BST1: variants seen among roughly 807,000 people sequenced by gnomAD.
The protein encoded by BST1 is ADP-ribosyl cyclase/cyclic ADP-ribose hydrolase 2.
In BST1, 49 loss-of-function variants were observed where a neutral mutation model predicts 40.6. That is an observed-to-expected ratio of 1.21 (90% CI 0.96 to 1.53). The LOEUF is 1.53. Among genes scored for constraint, BST1 ranks in the 40% most tolerant of loss-of-function variants. The pLI, the probability that BST1 is intolerant of heterozygous loss-of-function variation, is 0.00. For synonymous variants in BST1, 157 were observed against 159.3 expected, an observed-to-expected ratio of 0.99 and a Z score of 0.11; for missense variants, 423 against 395.9, an observed-to-expected ratio of 1.07 and a Z score of -0.58.
At chr4:15,720,260 T>C (rs1028859349) in intron 7 of BST1, among the ~76,000 whole-genome samples, 4 of 152,140 alleles carry the variant, frequency 2.6e-5, no homozygotes, top group African/African-American at 9.7e-5. Flanking sequence ...TAACGCACGC[T>C]CTTTCCCTCC....
the BST1 span, among the ~76,000 whole-genome samples, chr4:15,760,036 C>T: frequency 6.6e-6 from 1 of 151,994 alleles, no homozygotes; most frequent in African/African-American, 2.4e-5. Context: ...AAGTTTAGAA[C>T]ATTCCTCTCA....
chr4:15,740,929 A>G (rs1417932882), downstream of BST1, among the ~76,000 whole-genome samples: 1 of 151,846 alleles, frequency 6.6e-6, no homozygotes, highest in Non-Finnish European at 1.5e-5. Flanking sequence ...GCAACTACTC[A>G]ACTCCGTGGT....
Position 15,715,751 on chromosome 4 carries a change from T to G in BST1, c.656T>G (p.Ile219Ser). The change falls in exon 6 of 9, where the codon ATT becomes AGT. Residue 219 changes from isoleucine to serine, a missense_variant. Physicochemically the swap from Ile to Ser is moderately radical, Grantham distance 142. Coordinates refer to ENST00000265016, the MANE Select transcript of BST1 (RefSeq NM_004334.3). ...ATTCCAAACCTCCAGAAGGAAAAAA[T>G]TACACGAATCGAGATCTGGGTTATG... The part of the protein sequence containing the change: ...YEIPNLQKEK[I>S]TRIEIWVMHE... 1 of 1,601,548 alleles carries G rather than the reference T, an allele frequency of 6.2e-7. No individual in the cohort carries two copies. The highest frequency in any genetic ancestry group is 8.5e-7 in the Non-Finnish European group (1 of 1,176,320).
intron 8 of BST1, among the ~76,000 whole-genome samples, chr4:15,725,944 G>A (rs6845595): frequency 0.13 from 16,956 of 134,752 alleles, 2,170 homozygotes; most frequent in East Asian, 0.53. Flanking sequence ...TGTGAAGTGC[G>A]GTCTTTTTTT....
chr4:15,737,825 CAG>C, exon 7 of BST1: 1 of 1,285,906 alleles, frequency 7.8e-7, no homozygotes, highest in Non-Finnish European at 1.0e-6. Context: ...TACTGACTGT[CAG>C]AGAGTCCAAA....
intron 4 of BST1, among the ~76,000 whole-genome samples, chr4:15,712,861 A>G (rs1330163377): frequency 1.3e-5 from 2 of 152,210 alleles, no homozygotes; most frequent in Non-Finnish European, 2.9e-5. Context: ...AGTGGCTGCC[A>G]GGGCCCCTCA....
intron 1 of BST1, 99 bp from the exon 2 acceptor site, chr4:15,705,416 A>T: frequency 7.4e-7 from 1 of 1,357,686 alleles, no homozygotes; most frequent in Non-Finnish European, 1.0e-6. Flanking sequence ...CAGTTACTAT[A>T]TGAAAAATCT....
the BST1 span, among the ~76,000 whole-genome samples, chr4:15,765,512 C>T: frequency 1.3e-5 from 2 of 151,974 alleles, no homozygotes; most frequent in Non-Finnish European, 1.5e-5. Context: ...ACATGTCACT[C>T]TTGTGCACCA....
chr4:15,725,993 T>C (rs1207424836), intron 8 of BST1, among the ~76,000 whole-genome samples: 1 of 122,970 alleles, frequency 8.1e-6, no homozygotes, highest in East Asian at 3.2e-4. Flanking sequence ...CTCTCTCCTC[T>C]CTCTGTCACC....
chr4:15,761,026 A>T, the BST1 span, among the ~76,000 whole-genome samples: 2 of 151,612 alleles, frequency 1.3e-5, no homozygotes, highest in East Asian at 3.9e-4. Flanking sequence ...TATGGCATAT[A>T]GTTTTTTTGT....
chr4:15,749,939 T>C, the BST1 span, among the ~76,000 whole-genome samples: 2 of 151,070 alleles, frequency 1.3e-5, no homozygotes, highest in African/African-American at 2.4e-5. Flanking sequence ...TCTTTTCTTT[T>C]TTTTTTTTTT....
the BST1 span, among the ~76,000 whole-genome samples, chr4:15,768,321 T>C: frequency 1.3e-5 from 2 of 152,174 alleles, no homozygotes; most frequent in African/African-American, 4.8e-5. Context: ...ACTCTAAACT[T>C]TCCCTGTTTA....
intron 2 of BST1, 36 bp downstream of exon 2, chr4:15,705,677 T>C (rs776467030): frequency 1.2e-6 from 2 of 1,610,420 alleles, no homozygotes; most frequent in Non-Finnish European, 1.7e-6. Flanking sequence ...AACTGTGTTC[T>C]CTGTCTCTAC....
At chr4:15,705,970 G>A (rs1043978752) in intron 2 of BST1, among the ~76,000 whole-genome samples, 4 of 152,200 alleles carry the variant, frequency 2.6e-5, no homozygotes, top group African/African-American at 9.7e-5. Flanking sequence ...TTCAGCAGAA[G>A]GCAAAGTGGG....
chr4:15,768,992 CAT>C, the BST1 span, among the ~76,000 whole-genome samples: 7 of 152,012 alleles, frequency 4.6e-5, no homozygotes, highest in South Asian at 2.1e-4. Flanking sequence ...AAAATCATCA[CAT>C]GTTTACATGA....
chr4:15,724,991 G>A (rs776152898), intron 8 of BST1, among the ~76,000 whole-genome samples: 11 of 152,132 alleles, frequency 7.2e-5, no homozygotes, highest in Non-Finnish European at 1.5e-4. Flanking sequence ...TCAACTGGGC[G>A]TGGCAGAGTA....
intron 6 of BST1, among the ~76,000 whole-genome samples, chr4:15,717,597 C>G (rs1720584156): frequency 1.3e-5 from 2 of 152,288 alleles, no homozygotes; most frequent in South Asian, 4.1e-4. Flanking sequence ...GGATTCAAAT[C>G]TTTGATGCTA....
the BST1 span, among the ~76,000 whole-genome samples, chr4:15,767,309 AT>A: frequency 3.7e-3 from 538 of 145,854 alleles, 2 homozygotes; most frequent in South Asian, 0.017. Flanking sequence ...CTTTTTATCA[AT>A]TTTTTTTTTT....
intron 8 of BST1, among the ~76,000 whole-genome samples, chr4:15,726,567 C>G (rs1310225750): frequency 6.6e-6 from 1 of 152,156 alleles, no homozygotes; most frequent in African/African-American, 2.4e-5. Flanking sequence ...AAAGTTGTTG[C>G]AAAGATTAGT....
Sources: allele counts gnomAD v4.1 joint callset (sites outside exome capture counted in the v4.1 genomes callset), GRCh38; gene constraint gnomAD v4.1.1; transcripts MANE v1.5; gene names NCBI Gene and HGNC (gene_info 2026-07-23, HGNC 2026-07-21).